Variants in COL19A1 observed in about 807,000 individuals in gnomAD.
The protein encoded by COL19A1 is collagen alpha-1(XIX) chain.
A neutral mutation model predicts 190.2 loss-of-function variants in COL19A1; 159 were observed. The ratio of observed to expected loss-of-function variants is 0.84; its 90% CI spans 0.73 to 0.95. COL19A1 has a LOEUF of 0.95. Among genes scored for constraint, COL19A1 ranks in the 40% least tolerant of loss-of-function variants. The probability of loss-of-function intolerance (pLI) is 0.00; values close to 1 mark genes in which losing one functional copy is unlikely to be tolerated. For synonymous variants in COL19A1, 509 were observed against 458.9 expected, an observed-to-expected ratio of 1.11 and a Z score of -1.39; for missense variants, 1,418 against 1,431.9, an observed-to-expected ratio of 0.99 and a Z score of 0.16.
intron 12 of COL19A1, among the ~76,000 whole-genome samples, chr6:70,033,486 T>C (rs997919739): frequency 6.6e-6 from 1 of 152,158 alleles, no homozygotes; most frequent in Admixed American, 6.6e-5. Flanking sequence ...TGTGTCTATC[T>C]AACTTTCTAC....
chr6:70,166,642 T>C (rs1223853880), intron 37 of COL19A1, among the ~76,000 whole-genome samples: 1 of 152,190 alleles, frequency 6.6e-6, no homozygotes, highest in African/African-American at 2.4e-5. Context: ...AGGAATACTT[T>C]AAGAAACCAA....
At chr6:70,202,741 T>G (rs1030248494) in intron 49 of COL19A1, among the ~76,000 whole-genome samples, 1 of 152,222 alleles carries the variant, frequency 6.6e-6, no homozygotes, top group African/African-American at 2.4e-5. Context: ...CATGAAAGCT[T>G]GAGGATCCGC....
At chr6:69,877,132 A>G (rs1358859564) in intron 1 of COL19A1, among the ~76,000 whole-genome samples, 1 of 152,218 alleles carries the variant, frequency 6.6e-6, no homozygotes, top group Non-Finnish European at 1.5e-5. Flanking sequence ...TTGACTCTTG[A>G]TTAAACTTTG....
intron 2 of COL19A1, among the ~76,000 whole-genome samples, chr6:69,893,427 G>A (rs1769497363): frequency 6.6e-6 from 1 of 152,108 alleles, no homozygotes; most frequent in Non-Finnish European, 1.5e-5. Context: ...CTCCCTAATG[G>A]TTTACAGTAA....
chr6:69,943,922 C>T (rs1169644103), intron 9 of COL19A1, among the ~76,000 whole-genome samples: 1 of 152,124 alleles, frequency 6.6e-6, no homozygotes, highest in African/African-American at 2.4e-5. Context: ...AGCCAAAACC[C>T]ACTAATGACT....
At chr6:69,976,988 C>T (rs1226057931) in intron 11 of COL19A1, among the ~76,000 whole-genome samples, 1 of 152,110 alleles carries the variant, frequency 6.6e-6, no homozygotes, top group South Asian at 2.1e-4. Context: ...GGCTGATGTC[C>T]CTTTGAGTCA....
At chr6:69,934,512 T>C (rs976802440) in intron 7 of COL19A1, among the ~76,000 whole-genome samples, 1 of 151,958 alleles carries the variant, frequency 6.6e-6, no homozygotes, top group South Asian at 2.1e-4. Context: ...ATTAATGTAA[T>C]AGAAACTTTC....
At chr6:70,005,504 G>A (rs1777560396) in intron 11 of COL19A1, among the ~76,000 whole-genome samples, 1 of 152,122 alleles carries the variant, frequency 6.6e-6, no homozygotes, top group Non-Finnish European at 1.5e-5. Context: ...CAAGGAGTCT[G>A]GAGAACAACA....
intron 15 of COL19A1, among the ~76,000 whole-genome samples, chr6:70,097,299 G>A (rs1472345088): frequency 1.3e-5 from 2 of 152,072 alleles, no homozygotes; most frequent in Non-Finnish European, 2.9e-5. Flanking sequence ...ATCCTCCTGA[G>A]GTTTCCTATG....
At chr6:70,190,641 GC>G (rs567816435) in intron 48 of COL19A1, among the ~76,000 whole-genome samples, 205 of 152,256 alleles carry the variant, frequency 1.3e-3, no homozygotes, top group African/African-American at 4.8e-3. Context: ...TCACATGACA[GC>G]CCTTTGAGTA....
chr6:70,199,490 A>T, intron 48 of COL19A1, 118 bp from the exon 49 acceptor site: 1 of 772,724 alleles, frequency 1.3e-6, no homozygotes, highest in Non-Finnish European at 1.8e-6. Flanking sequence ...TTGGTAAATT[A>T]GATGTGCTTA....
chr6:70,008,685 T>C (rs1165730748), intron 11 of COL19A1, among the ~76,000 whole-genome samples: 3 of 151,920 alleles, frequency 2.0e-5, no homozygotes, highest in African/African-American at 7.2e-5. Flanking sequence ...CTTCATTTTA[T>C]GAGGCCAATA....
intron 16 of COL19A1, among the ~76,000 whole-genome samples, chr6:70,104,046 A>G (rs1783803688): frequency 6.6e-6 from 1 of 152,188 alleles, no homozygotes; most frequent in Non-Finnish European, 1.5e-5. Context: ...CTCACCTGCC[A>G]AAAATGAACA....
intron 18 of COL19A1, among the ~76,000 whole-genome samples, chr6:70,133,914 T>G (rs1396819312): frequency 6.6e-6 from 1 of 152,220 alleles, no homozygotes; most frequent in Non-Finnish European, 1.5e-5. Flanking sequence ...AAAGATGGAC[T>G]GCAACCCCTT....
chr6:69,960,005 G>A lies in COL19A1; in HGVS notation c.946G>A (p.Gly316Ser), dbSNP rs768159135. 4 of 1,613,390 alleles carry A rather than the reference G, an allele frequency of 2.5e-6. No individual in the cohort carries two copies. Among genetic ancestry groups the A allele is most frequent in the South Asian group, 1.1e-5 (1 of 90,934 alleles). The change falls in exon 10 of 51, where the codon GGT (glycine) becomes AGT (serine). Residue 316 changes from glycine (G) to serine (S), a missense_variant. Gly to Ser is a moderately conservative substitution (Grantham distance 56, BLOSUM62 0). Coordinates refer to ENST00000620364, the MANE Select transcript of COL19A1 (RefSeq NM_001858.6). ...TGTGTACTTCTTTTAGGGTGAAAAT[G>A]GTTTACATGGTGCTCCAGGATTCCC... ...KGHKGEPGEN[G>S]LHGAPGFPGQ...
intron 14 of COL19A1, among the ~76,000 whole-genome samples, chr6:70,047,327 G>T (rs184878369): frequency 6.6e-6 from 1 of 151,944 alleles, no homozygotes; most frequent in African/African-American, 2.4e-5. Flanking sequence ...GCAGATATAC[G>T]TGAGCTAAAA....
At chr6:70,002,500 G>C (rs1777323715) in intron 11 of COL19A1, among the ~76,000 whole-genome samples, 1 of 151,576 alleles carries the variant, frequency 6.6e-6, no homozygotes, top group Non-Finnish European at 1.5e-5. Context: ...TTTTTTTTTG[G>C]TTGGCAGGCT....
intron 14 of COL19A1, among the ~76,000 whole-genome samples, chr6:70,045,931 T>C (rs1358931622): frequency 6.6e-6 from 1 of 152,224 alleles, no homozygotes; most frequent in Non-Finnish European, 1.5e-5. Flanking sequence ...TCCCCTCCAG[T>C]ATCTGCCTGC....
At chr6:70,083,420 T>G (rs1171578014) in intron 15 of COL19A1, among the ~76,000 whole-genome samples, 3 of 152,236 alleles carry the variant, frequency 2.0e-5, no homozygotes, top group African/African-American at 7.2e-5. Context: ...ACACTGGAAT[T>G]TATACTTCAT....
Sources: allele counts gnomAD v4.1 joint callset (sites outside exome capture counted in the v4.1 genomes callset), GRCh38; gene constraint gnomAD v4.1.1; transcripts MANE v1.5; gene names NCBI Gene and HGNC (gene_info 2026-07-23, HGNC 2026-07-21).